Variants in GDPD5 observed in about 807,000 individuals in gnomAD.
GDPD5 encodes the protein glycerophosphodiester phosphodiesterase 2.
Under a neutral mutation model 75.1 loss-of-function variants are expected in GDPD5, and 48 were observed. The ratio of observed to expected loss-of-function variants is 0.64; its 90% confidence interval spans 0.51 to 0.81. The LOEUF (loss-of-function observed/expected upper bound fraction) is 0.81. GDPD5 is among the 40% of genes least tolerant of loss of function. GDPD5 has a pLI of 0.00. For synonymous variants in GDPD5, 336 were observed against 339.0 expected, an observed-to-expected ratio of 0.99 and a Z score of 0.10; for missense variants, 706 against 822.6, an observed-to-expected ratio of 0.86 and a Z score of 1.73.
chr11:75,491,542 G>A (rs933081783), intron 1 of GDPD5, among the ~76,000 whole-genome samples: 1 of 152,198 alleles, frequency 6.6e-6, no homozygotes, highest in Admixed American at 6.5e-5. Flanking sequence ...AAGCTCCCAG[G>A]TGATGCTGAT....
rs191034810 is a variant in GDPD5, at chr11:75,492,868, G to A, written c.-144-2548C>T. ...TTGCCTCAGCCTCCCGAGTAGCTGC[G>A]ATTACAGACACACACCCCACCCAGC... On this transcript the variant is annotated intron_variant, in intron 1 of 16. Transcript: ENST00000336898. Among the ~76,000 whole-genome samples the A allele has an allele frequency of 4.0e-3, 602 of 152,198 alleles. 4 individuals are homozygous for A. The highest frequency in any genetic ancestry group is 0.014 in the African/African-American group (573 of 41,518).
intron 3 of GDPD5, among the ~76,000 whole-genome samples, chr11:75,466,097 C>G (rs1949509590): frequency 6.6e-6 from 1 of 152,218 alleles, no homozygotes; most frequent in Admixed American, 6.5e-5. Flanking sequence ...AAGACCAGAG[C>G]TGGTGGTGGT....
chr11:75,476,806 C>T (rs551940041), intron 3 of GDPD5, among the ~76,000 whole-genome samples: 1 of 152,286 alleles, frequency 6.6e-6, no homozygotes, highest in South Asian at 2.1e-4. Context: ...GGTGGATAAG[C>T]TTCCCCGACC....
intron 7 of GDPD5, 134 bp downstream of exon 7, chr11:75,449,751 T>C (rs1253646703): frequency 1.6e-6 from 2 of 1,236,156 alleles, no homozygotes; most frequent in Non-Finnish European, 1.2e-6. Flanking sequence ...CTCAGGACCC[T>C]GGTGTCCTCC....
Position 75,439,967 on chromosome 11 carries a change from G to A in GDPD5, c.1474-6C>T, listed in dbSNP as rs1948741345. On this transcript the variant is annotated splice_region_variant and splice_polypyrimidine_tract_variant and intron_variant, in intron 14 of 16. Coordinates refer to ENST00000336898, the MANE Select transcript of GDPD5 (RefSeq NM_030792.8). ...AGACAGTACTCGTCCGGGGGCTGTGGACAGACGGCCCGAGGCCAACTTCCA... is the reference window on the plus strand; with the variant it reads ...AGACAGTACTCGTCCGGGGGCTGTGAACAGACGGCCCGAGGCCAACTTCCA... 3 of 1,609,940 alleles carry A rather than the reference G, an allele frequency of 1.9e-6. No homozygotes were observed. The highest frequency in any genetic ancestry group is 1.7e-5 in the Admixed American group (1 of 59,700).
At position 75,517,025 on chromosome 11, in the gene GDPD5, G is replaced by A. The variant is rs1323976057; in HGVS notation, c.-145+8185C>T. Among the ~76,000 whole-genome samples the A allele has an allele frequency of 1.3e-5, 2 of 152,190 alleles. 1 individual carries two copies. The highest frequency in any genetic ancestry group is 4.1e-4 in the South Asian group (2 of 4,826). Reference sequence around the variant, plus strand: ...CCGGAGATCCACTCCTTATCTATGAGGAACATCTGAGCTCTTGGCCCATCC... The same window carrying A: ...CCGGAGATCCACTCCTTATCTATGAAGAACATCTGAGCTCTTGGCCCATCC... On this transcript the variant is annotated intron_variant, in intron 1 of 16. Transcript: ENST00000336898.
At chr11:75,454,666 T>G (rs1486417252) in intron 6 of GDPD5, among the ~76,000 whole-genome samples, 1 of 152,092 alleles carries the variant, frequency 6.6e-6, no homozygotes, top group African/African-American at 2.4e-5. Context: ...AAGAAGGAGC[T>G]CCAAGAATTC....
chr11:75,486,199 T>C (rs1950019230), intron 2 of GDPD5, among the ~76,000 whole-genome samples: 1 of 152,136 alleles, frequency 6.6e-6, no homozygotes. Flanking sequence ...AGGGGGCTGC[T>C]CGAGGAAAAG....
chr11:75,517,558 T>G (rs1159912029), intron 1 of GDPD5: 1 of 152,170 alleles, frequency 6.6e-6, no homozygotes, highest in Non-Finnish European at 1.5e-5. Context: ...CTCTCTCCCC[T>G]GTGTGTGAGC....
chr11:75,506,377 G>A (rs569218854), intron 1 of GDPD5, among the ~76,000 whole-genome samples: 1 of 152,236 alleles, frequency 6.6e-6, no homozygotes, highest in African/African-American at 2.4e-5. Flanking sequence ...AAACACAAGA[G>A]AGCAACCCCG....
chr11:75,442,832 C>A, intron 11 of GDPD5: 2 of 603,352 alleles, frequency 3.3e-6, no homozygotes, highest in Non-Finnish European at 2.9e-6. Flanking sequence ...ATTTCTCCTT[C>A]TAGAGCATTT....
intron 3 of GDPD5, among the ~76,000 whole-genome samples, chr11:75,475,576 GAA>G (rs1016425412): frequency 3.9e-5 from 6 of 152,180 alleles, no homozygotes; most frequent in Non-Finnish European, 8.8e-5. Context: ...GGGAGAGAGA[GAA>G]AGGATGAGGG....
chr11:75,495,540 A>T (rs1446824315), intron 1 of GDPD5, among the ~76,000 whole-genome samples: 1 of 152,216 alleles, frequency 6.6e-6, no homozygotes, highest in Non-Finnish European at 1.5e-5. Context: ...ATATACTCGG[A>T]GATGTGCAAT....
intron 13 of GDPD5, 152 bp from the exon 14 acceptor site, chr11:75,441,462 C>A: frequency 1.7e-6 from 2 of 1,195,832 alleles, no homozygotes; most frequent in South Asian, 1.5e-5. Flanking sequence ...GGGACAAGCC[C>A]GGGTCTGCCC....
chr11:75,468,266 C>G (rs764564783), intron 3 of GDPD5, among the ~76,000 whole-genome samples: 1 of 152,224 alleles, frequency 6.6e-6, no homozygotes, highest in South Asian at 2.1e-4. Flanking sequence ...CTGAATGTTA[C>G]AGAATTTCAG....
chr11:75,522,526 T>C (rs1175379937), intron 1 of GDPD5, among the ~76,000 whole-genome samples: 1 of 151,908 alleles, frequency 6.6e-6, no homozygotes, highest in Non-Finnish European at 1.5e-5. Context: ...AGAGGCCCAC[T>C]TGATCCTAGC....
chr11:75,449,567 G>A lies in GDPD5; in HGVS notation c.518C>T (p.Thr173Ile). Reference protein sequence around the residue: ...FLHVGAVAAVTMLSWIVAGQF... With the variant: ...FLHVGAVAAVIMLSWIVAGQF... ...TCCTGCCACGATCCAGGAGAGCATG[G>A]TGACTGCTGCCACAGCCCCCACATG... Residue 173 changes from threonine to isoleucine, a missense_variant, in exon 8 of 17, where the codon ACC becomes ATC. Thr to Ile is a moderately conservative substitution (Grantham distance 89). Transcript: ENST00000336898. 1.3e-6 allele frequency: 2 copies of A among 1,589,774 alleles called. No individual in the cohort carries two copies. The highest frequency in any genetic ancestry group is 2.3e-5 in the South Asian group (2 of 87,078).
At chr11:75,439,372 G>A (rs767426902) in intron 15 of GDPD5, 7 of 456,406 alleles carry the variant, frequency 1.5e-5, no homozygotes, top group Non-Finnish European at 1.8e-5. Context: ...ATGCCAGAGT[G>A]CAGCAGAGAG....
intron 15 of GDPD5, 75 bp downstream of exon 15, chr11:75,439,804 G>A (rs1373999612): frequency 3.3e-6 from 4 of 1,220,982 alleles, no homozygotes; most frequent in African/African-American, 1.5e-5. Flanking sequence ...TCAGGAGAGG[G>A]TTCACCTGGC....
Sources: allele counts gnomAD v4.1 joint callset (sites outside exome capture counted in the v4.1 genomes callset), GRCh38; gene constraint gnomAD v4.1.1; transcripts MANE v1.5; gene names NCBI Gene and HGNC (gene_info 2026-07-23, HGNC 2026-07-21).